GON4L: variants seen among roughly 807,000 people sequenced by gnomAD.
GON4L encodes the protein gon-4 like, also known as GON-4-like protein.
In GON4L, 87 loss-of-function variants were observed where a neutral mutation model predicts 211.8. The observed-to-expected ratio is 0.41, with a 90% CI of 0.35 to 0.49. GON4L has a LOEUF of 0.49. Ranked by LOEUF, GON4L falls within the 20% of genes least tolerant of loss-of-function variation. The pLI is 0.15. For synonymous variants in GON4L, 875 were observed against 962.6 expected (o/e 0.91, Z 1.68); for missense variants, 2,155 against 2,659.5 (o/e 0.81, Z 4.17).
At chr1:155,786,036 C>T (rs879730489) in intron 12 of GON4L, among the ~76,000 whole-genome samples, 4 of 151,976 alleles carry the variant, frequency 2.6e-5, no homozygotes, top group Non-Finnish European at 4.4e-5. Flanking sequence ...GCAGGGCTTG[C>T]AGTGAGCCAA....
rs921323729 is a variant in GON4L, at chr1:155,761,175, G to GTT, written c.4912-536_4912-535dup. On this transcript the variant is annotated intron_variant, in intron 23 of 31. Transcript: ENST00000368331. ...CCAAGAAGTGGTTAGCTTATGTGTG[G>GTT]TTTTTTTTTTTTTTTTTTTTTTTGA... Among the ~76,000 whole-genome samples the GTT allele has an allele frequency of 8.6e-3, 939 of 109,346 alleles. 4 individuals are homozygous for GTT. Among genetic ancestry groups the GTT allele is most frequent in the African/African-American group, 0.013 (342 of 26,198 alleles). 71.7% of individuals were successfully genotyped at this position (109,346 alleles called of 152,430 possible).
rs769420859 is a variant in GON4L, at chr1:155,754,385, C to G, written c.5621G>C (p.Cys1874Ser). ...TGATACTTTCCTCACCTTGCTGCTA[C>G]AGTGGCTACAGCTCCGCCTTTTGCT... ...KKSKRRSCSH[C>S]SSKVCDSKSY... The change falls in exon 28 of 32, where the codon TGT becomes TCT. Residue 1874 changes from cysteine (C) to serine (S), a missense_variant. Cys to Ser is a moderately radical substitution (Grantham distance 112). Transcript: ENST00000368331. The G allele has an allele frequency of 1.9e-6, 3 of 1,602,108 alleles. No homozygotes were observed. Among genetic ancestry groups the G allele is most frequent in the Non-Finnish European group, 2.6e-6 (3 of 1,169,036 alleles).
At chr1:155,818,164 C>G (rs1668418827) in intron 6 of GON4L, among the ~76,000 whole-genome samples, 1 of 151,562 alleles carries the variant, frequency 6.6e-6, no homozygotes, top group African/African-American at 2.4e-5. Flanking sequence ...CTCTATCACC[C>G]AGGCTGGAGT....
Position 155,764,951 on chromosome 1 carries a change from A to G in GON4L, c.4473+49T>C, listed in dbSNP as rs41264975. On this transcript the variant is annotated intron_variant, in intron 21 of 31. Coordinates refer to ENST00000368331, the MANE Select transcript of GON4L (RefSeq NM_001282860.2). ...AGCAGGTGGCATATCAATAAGTGAT[A>G]CATATTACTGAGTCCACGAAATACT... 5,759 of 1,613,998 alleles carry G rather than the reference A, an allele frequency of 3.6e-3. 13 individuals carry two copies. The highest frequency in any genetic ancestry group is 4.5e-3 in the Non-Finnish European group (5,357 of 1,179,858).
upstream of GON4L, among the ~76,000 whole-genome samples, chr1:155,858,507 A>G (rs1672443007): frequency 6.6e-6 from 1 of 152,106 alleles, no homozygotes; most frequent in Non-Finnish European, 1.5e-5. Flanking sequence ...TCGGAGTTTC[A>G]TGTGTGTTGT....
At chr1:155,835,959 T>C (rs1165159824) in intron 2 of GON4L, among the ~76,000 whole-genome samples, 1 of 152,140 alleles carries the variant, frequency 6.6e-6, no homozygotes, top group African/African-American at 2.4e-5. Flanking sequence ...TTAAGACTGA[T>C]TGGGTTGAGC....
chr1:155,747,485 CCCTGCCCTTCCCCAGGACAA>C (rs1256283819), downstream of GON4L: 1 of 1,556,340 alleles, frequency 6.4e-7, no homozygotes, highest in African/African-American at 1.4e-5. Flanking sequence ...AGGCCATCTT[CCCTGCCCTTCCCCAGGACAA>C]GAGGCTGAGG....
chr1:155,750,756 T>C, intron 31 of GON4L, 23 bp from the exon 32 acceptor site: 4 of 1,555,408 alleles, frequency 2.6e-6, no homozygotes, highest in Non-Finnish European at 1.7e-6. Flanking sequence ...GAGGGCTGTA[T>C]TCACTGGTCT....
At chr1:155,803,508 G>A (rs1666875849) in intron 11 of GON4L, among the ~76,000 whole-genome samples, 1 of 152,202 alleles carries the variant, frequency 6.6e-6, no homozygotes, top group Non-Finnish European at 1.5e-5. Flanking sequence ...CTCCCAAAGA[G>A]CTGGGATAAT....
intron 2 of GON4L, among the ~76,000 whole-genome samples, chr1:155,844,824 T>G (rs188442909): frequency 1.3e-5 from 2 of 152,308 alleles, no homozygotes; most frequent in East Asian, 3.9e-4. Flanking sequence ...CTACTCTTTT[T>G]AGGACCTCTA....
intron 11 of GON4L, among the ~76,000 whole-genome samples, chr1:155,799,402 C>T (rs1376835460): frequency 6.6e-6 from 1 of 152,128 alleles, no homozygotes; most frequent in African/African-American, 2.4e-5. Flanking sequence ...CCATTGTACT[C>T]CAGCCTGGGT....
intron 2 of GON4L, among the ~76,000 whole-genome samples, chr1:155,842,277 C>A (rs1361450344): frequency 6.6e-6 from 1 of 152,108 alleles, no homozygotes; most frequent in Non-Finnish European, 1.5e-5. Flanking sequence ...GTAATCCCAG[C>A]ACTTTGGGAG....
chr1:155,855,819 A>G (rs764880935), intron 1 of GON4L, among the ~76,000 whole-genome samples: 3 of 151,720 alleles, frequency 2.0e-5, no homozygotes, highest in African/African-American at 7.3e-5. Flanking sequence ...TGTCTCTACT[A>G]AAAAATACAA....
intron 2 of GON4L, among the ~76,000 whole-genome samples, chr1:155,837,334 G>A (rs989203635): frequency 6.6e-6 from 1 of 152,072 alleles, no homozygotes; most frequent in Non-Finnish European, 1.5e-5. Flanking sequence ...CTCCACTGAT[G>A]GGTGAGTTCT....
intron 11 of GON4L, among the ~76,000 whole-genome samples, chr1:155,796,354 T>C (rs1175180021): frequency 2.6e-5 from 4 of 151,820 alleles, no homozygotes; most frequent in Non-Finnish European, 5.9e-5. Flanking sequence ...CTTGGCTCAC[T>C]GCAAACTCTG....
chr1:155,801,048 G>A (rs897870427), intron 11 of GON4L, among the ~76,000 whole-genome samples: 5 of 148,782 alleles, frequency 3.4e-5, no homozygotes, highest in Admixed American at 6.8e-5. Context: ...CAACCCACTC[G>A]GGTCCCCTAC....
intron 2 of GON4L, among the ~76,000 whole-genome samples, chr1:155,848,427 C>T (rs1313316316): frequency 3.9e-5 from 6 of 152,180 alleles, no homozygotes; most frequent in African/African-American, 7.2e-5. Flanking sequence ...ACCCTTACTG[C>T]CAGCATCCTA....
rs372287778 is a variant in GON4L at position 155,826,867 on chromosome 1, T to C, written c.667A>G (p.Ile223Val). Residue 223 changes from isoleucine to valine, a missense_variant, in exon 3 of 32, where the codon ATA becomes GTA. This residue lies in a region of GON4L where 313 missense variants were observed against 293.2 expected (regional missense o/e 1.07). Coordinates refer to ENST00000368331, the MANE Select transcript of GON4L (RefSeq NM_001282860.2). ...GGAATGAAGAGTCCACCATCTTCTA[T>C]CTCTTCCTCAGGTTGGTGAAACAGA... ...RTLFHQPEEE[I>V]EDGGLFIPME... The C allele has an allele frequency of 3.7e-6, 6 of 1,612,764 alleles. No individual in the cohort carries two copies. Among genetic ancestry groups the C allele is most frequent in the Non-Finnish European group, 2.5e-6 (3 of 1,178,814 alleles).
chr1:155,798,576 A>ATTT (rs34273258), intron 11 of GON4L, among the ~76,000 whole-genome samples: 2,439 of 89,486 alleles, frequency 0.027, 152 homozygotes, highest in African/African-American at 0.048. Flanking sequence ...CGTCAGGCTA[A>ATTT]TTTTTTTTTT....
Sources: allele counts gnomAD v4.1 joint callset (sites outside exome capture counted in the v4.1 genomes callset), GRCh38; gene constraint gnomAD v4.1.1; regional missense constraint gnomAD v4.1.1; transcripts MANE v1.5; gene names NCBI Gene and HGNC (gene_info 2026-07-23, HGNC 2026-07-21).